Variants in ADAMTSL3 observed in about 807,000 individuals in gnomAD.
ADAMTSL3 encodes the protein ADAMTS like 3, also known as ADAMTS-like protein 3.
In ADAMTSL3, 128 loss-of-function variants were observed where a neutral mutation model predicts 201.7. That is an observed-to-expected ratio of 0.63 (90% CI 0.55 to 0.73). ADAMTSL3 has a LOEUF of 0.73. Ranked by LOEUF, ADAMTSL3 falls within the 30% of genes least tolerant of loss-of-function variation. ADAMTSL3 has a pLI of 0.00. For synonymous variants in ADAMTSL3, 738 were observed against 748.4 expected, an observed-to-expected ratio of 0.99 and a Z score of 0.23; for missense variants, 1,990 against 2,119.6, an observed-to-expected ratio of 0.94 and a Z score of 1.20.
intron 2 of ADAMTSL3, among the ~76,000 whole-genome samples, chr15:83,676,429 A>G (rs2061406119): frequency 6.6e-6 from 1 of 152,114 alleles, no homozygotes; most frequent in Non-Finnish European, 1.5e-5. Flanking sequence ...CTGTAATCCT[A>G]GCACTTTGGG....
intron 4 of ADAMTSL3, among the ~76,000 whole-genome samples, chr15:83,799,774 T>C (rs896005386): frequency 1.3e-5 from 2 of 152,204 alleles, no homozygotes; most frequent in African/African-American, 4.8e-5. Context: ...ATGATGTTCT[T>C]GAATTTTCAA....
chr15:83,907,459 A>G (rs565357078), intron 15 of ADAMTSL3, among the ~76,000 whole-genome samples: 1 of 152,208 alleles, frequency 6.6e-6, no homozygotes, highest in Non-Finnish European at 1.5e-5. Context: ...GCTGGAGTGC[A>G]GTGATGTGAT....
chr15:83,718,903 G>A (rs2062057546), intron 3 of ADAMTSL3, among the ~76,000 whole-genome samples: 1 of 152,074 alleles, frequency 6.6e-6, no homozygotes, highest in South Asian at 2.1e-4. Flanking sequence ...TTTTCTATAT[G>A]AACAATATCA....
chr15:84,021,876 C>T (rs1355838638), intron 26 of ADAMTSL3, among the ~76,000 whole-genome samples: 1 of 152,102 alleles, frequency 6.6e-6, no homozygotes, highest in Non-Finnish European at 1.5e-5. Context: ...CAATCACTAA[C>T]CAAACCTGCT....
intron 8 of ADAMTSL3, among the ~76,000 whole-genome samples, chr15:83,860,131 A>G (rs531179185): frequency 9.2e-5 from 14 of 152,336 alleles, no homozygotes; most frequent in African/African-American, 3.1e-4. Context: ...CCTTGCGCCT[A>G]GGAGTTCAAG....
In ADAMTSL3 at chr15:83,922,789, A is replaced by G. The variant is rs1184877172; in HGVS notation, c.1988-1115A>G. On this transcript the variant is annotated intron_variant, in intron 16 of 29. Coordinates refer to ENST00000286744, the MANE Select transcript of ADAMTSL3 (RefSeq NM_207517.3). ...TGGCCAATACTACATCCTGTAAAATACTGTAAAATGGTTGAATTGAAACAT... is the reference window on the plus strand; with the variant it reads ...TGGCCAATACTACATCCTGTAAAATGCTGTAAAATGGTTGAATTGAAACAT... Among the ~76,000 whole-genome samples, 4 of 152,122 alleles carry G rather than the reference A, an allele frequency of 2.6e-5. No individual in the cohort carries two copies. In the East Asian group the frequency reaches 7.7e-4, roughly 29 times the overall value.
rs759022804 is a variant in ADAMTSL3, at chr15:83,983,006, C to T, written c.3378C>T (p.Ala1126=). The change falls in exon 21 of 30, where the codon GCC becomes GCT. Residue 1126 remains alanine (A), a synonymous_variant. Coordinates refer to ENST00000286744, the MANE Select transcript of ADAMTSL3 (RefSeq NM_207517.3). ...LASQLIYQLV[A]ELAKAQPTHM... ...CCCAGCTGATATATCAGCTGGTGGC[C>T]GAATTAGCCAAGGCACAGCCAACAC... The T allele has an allele frequency of 8.1e-6, 13 of 1,613,974 alleles. No individual in the cohort carries two copies. Among genetic ancestry groups the T allele is most frequent in the African/African-American group, 2.7e-5 (2 of 74,880 alleles).
chr15:83,756,362 G>A (rs2062719245), intron 3 of ADAMTSL3, among the ~76,000 whole-genome samples: 1 of 152,194 alleles, frequency 6.6e-6, no homozygotes, highest in Admixed American at 6.5e-5. Flanking sequence ...CAAAGGAAGA[G>A]CAAAGGGACA....
At chr15:83,965,691 C>T (rs1057176396) in intron 19 of ADAMTSL3, among the ~76,000 whole-genome samples, 2 of 152,176 alleles carry the variant, frequency 1.3e-5, no homozygotes, top group African/African-American at 2.4e-5. Context: ...ACCTAATAGA[C>T]GTCTACAGAA....
intron 2 of ADAMTSL3, among the ~76,000 whole-genome samples, chr15:83,680,763 ACATTATTTCCTTT>A (rs1398294045): frequency 1.3e-5 from 2 of 151,852 alleles, no homozygotes; most frequent in African/African-American, 4.8e-5. Context: ...GTGCTTTAAG[ACATTATTTCCTTT>A]CATTATTTTT....
intron 20 of ADAMTSL3, among the ~76,000 whole-genome samples, chr15:83,978,421 C>T (rs530987553): frequency 6.6e-6 from 1 of 152,314 alleles, no homozygotes; most frequent in African/African-American, 2.4e-5. Flanking sequence ...TGCTCTTGCA[C>T]AGCCCAGCAG....
At chr15:83,805,171 C>G (rs2063582611) in intron 5 of ADAMTSL3, among the ~76,000 whole-genome samples, 1 of 152,066 alleles carries the variant, frequency 6.6e-6, no homozygotes, top group African/African-American at 2.4e-5. Flanking sequence ...TATAGGTGAC[C>G]CATCAGCAAA....
intron 13 of ADAMTSL3, among the ~76,000 whole-genome samples, chr15:83,895,787 A>C (rs77423491): frequency 7.1e-5 from 10 of 139,924 alleles, no homozygotes; most frequent in African/African-American, 2.7e-4. Flanking sequence ...ATATATATAT[A>C]TCTCAAATTG....
At chr15:83,740,322 C>G (rs1052094037) in intron 3 of ADAMTSL3, 3 of 152,230 alleles carry the variant, frequency 2.0e-5, no homozygotes, top group African/African-American at 7.2e-5. Flanking sequence ...TTTCTCCAAC[C>G]TTAGTGCAAT....
At chr15:83,846,909 G>A (rs1344108809) in intron 7 of ADAMTSL3, among the ~76,000 whole-genome samples, 2 of 152,186 alleles carry the variant, frequency 1.3e-5, no homozygotes, top group Non-Finnish European at 2.9e-5. Context: ...TAGATGCTGT[G>A]TGACATAGTC....
chr15:84,000,468 G>T (rs908218346), intron 23 of ADAMTSL3, among the ~76,000 whole-genome samples: 1 of 152,022 alleles, frequency 6.6e-6, no homozygotes, highest in Admixed American at 6.6e-5. Context: ...TAGATGGTTG[G>T]AAATTCCATC....
intron 3 of ADAMTSL3, among the ~76,000 whole-genome samples, chr15:83,749,215 A>G (rs1310317414): frequency 6.6e-6 from 1 of 152,200 alleles, no homozygotes; most frequent in Non-Finnish European, 1.5e-5. Flanking sequence ...TCACAGTTGC[A>G]GGGCAGTAGT....
rs759258882 is a variant in ADAMTSL3, at chr15:84,014,645, T to C, written c.4077T>C (p.Leu1359=). The C allele has an allele frequency of 5.0e-5, 80 of 1,612,462 alleles. No individual in the cohort carries two copies. Among genetic ancestry groups the C allele is most frequent in the Middle Eastern group, 1.6e-4 (1 of 6,072 alleles). ...CCCTGTTGTTGCAGAATGTTTCCCT[T>C]GAAAATGAAGGAACCTACGTCTGCA... ...NGSLLLQNVS[L]ENEGTYVCIA... Residue 1359 remains leucine (L), a synonymous_variant, in exon 24 of 30, where the codon CTT becomes CTC. Transcript: ENST00000286744.
chr15:83,953,558 A>C (rs1401062004), intron 19 of ADAMTSL3, among the ~76,000 whole-genome samples: 1 of 152,142 alleles, frequency 6.6e-6, no homozygotes, highest in African/African-American at 2.4e-5. Flanking sequence ...TCTACTTAAG[A>C]TTAGTTTTGA....
Sources: gnomAD v4.1 joint callset for allele counts (sites outside exome capture counted in the v4.1 genomes callset) on GRCh38, gnomAD v4.1.1 for gene constraint, MANE v1.5 for transcripts, NCBI Gene and HGNC (gene_info 2026-07-23, HGNC 2026-07-21) for gene names.